EFCAB11: variants seen among roughly 807,000 people sequenced by gnomAD.
The protein encoded by EFCAB11 is EF-hand calcium-binding domain-containing protein 11.
EFCAB11 carries 14 observed loss-of-function variants against 23.0 expected under a neutral mutation model. The observed-to-expected ratio is 0.61, with a 90% confidence interval of 0.40 to 0.95. The LOEUF (loss-of-function observed/expected upper bound fraction) is 0.95, where lower values mean the gene tolerates loss of function less well. Among genes scored for constraint, EFCAB11 ranks in the 40% least tolerant of loss-of-function variants. EFCAB11 has a pLI of 0.00. For synonymous variants in EFCAB11, 65 were observed against 66.6 expected (o/e 0.98, Z 0.11); for missense variants, 198 against 195.8 (o/e 1.01, Z -0.07).
At chr14:89,837,847 G>A (rs906633243) in intron 5 of EFCAB11, among the ~76,000 whole-genome samples, 22 of 152,076 alleles carry the variant, frequency 1.4e-4, no homozygotes, top group African/African-American at 3.9e-4. Flanking sequence ...GGGGTGGGGC[G>A]GGGAGCTGTG....
chr14:89,804,212 T>C (rs1885888910), intron 5 of EFCAB11, among the ~76,000 whole-genome samples: 1 of 152,208 alleles, frequency 6.6e-6, no homozygotes, highest in South Asian at 2.1e-4. Flanking sequence ...GTTAAGGCCT[T>C]CTTCATGCAC....
At chr14:89,889,964 G>C (rs1234428258) in intron 5 of EFCAB11, among the ~76,000 whole-genome samples, 1 of 152,196 alleles carries the variant, frequency 6.6e-6, no homozygotes, top group African/African-American at 2.4e-5. Context: ...CCATGAATAC[G>C]ACTGTAGGCT....
At position 89,815,573 on chromosome 14, in the gene EFCAB11, C is replaced by T. The variant is rs1426034864; in HGVS notation, c.411-18249G>A. ...TCTTGAGTAGCTGGGATTACAGGCG[C>T]GCGCCACCACGCTGGCTAATTTTTG... On this transcript the variant is annotated intron_variant, in intron 5 of 5. Coordinates refer to ENST00000316738, the MANE Select transcript of EFCAB11 (RefSeq NM_145231.4). 2.6e-5 allele frequency among the ~76,000 whole-genome samples: 4 copies of T among 151,894 alleles called. No individual in the cohort carries two copies. The South Asian group carries it at 6.2e-4, about 24-fold the overall frequency.
chr14:89,805,863 C>G (rs1293200357), intron 5 of EFCAB11, among the ~76,000 whole-genome samples: 2 of 152,196 alleles, frequency 1.3e-5, no homozygotes, highest in Non-Finnish European at 2.9e-5. Flanking sequence ...GATGGACAGA[C>G]AGCAGATACT....
chr14:89,937,914 G>A (rs779112089), intron 3 of EFCAB11: 3 of 151,888 alleles, frequency 2.0e-5, no homozygotes, highest in African/African-American at 7.2e-5. Flanking sequence ...AGACTAGAAA[G>A]ATTATTTTTT....
chr14:89,954,338 T>G (rs35511529), intron 1 of EFCAB11: 10 of 1,535,534 alleles, frequency 6.5e-6, no homozygotes, highest in African/African-American at 1.4e-5. Context: ...GCGGGAGAGA[T>G]GCAGACTCAA....
chr14:89,873,682 C>T (rs1170216126), intron 5 of EFCAB11, among the ~76,000 whole-genome samples: 2 of 152,196 alleles, frequency 1.3e-5, no homozygotes, highest in Non-Finnish European at 2.9e-5. Flanking sequence ...CTACAGGCCC[C>T]ATGCAACTCC....
chr14:89,894,893 A>C (rs1449846421), intron 5 of EFCAB11, among the ~76,000 whole-genome samples: 1 of 152,218 alleles, frequency 6.6e-6, no homozygotes, highest in African/African-American at 2.4e-5. Context: ...AAACGATAAA[A>C]TATGTAGGAA....
chr14:89,842,463 T>C (rs1887297174), intron 5 of EFCAB11, among the ~76,000 whole-genome samples: 1 of 152,122 alleles, frequency 6.6e-6, no homozygotes, highest in African/African-American at 2.4e-5. Context: ...GAATCCCAGC[T>C]ACTCAGGAGG....
intron 5 of EFCAB11, among the ~76,000 whole-genome samples, chr14:89,890,705 G>C (rs1339903725): frequency 6.6e-6 from 1 of 152,204 alleles, no homozygotes; most frequent in South Asian, 2.1e-4. Context: ...AATTCTTGAG[G>C]CTAGCTTGAA....
At chr14:89,895,174 A>T (rs1286739759) in intron 5 of EFCAB11, among the ~76,000 whole-genome samples, 1 of 152,208 alleles carries the variant, frequency 6.6e-6, no homozygotes, top group South Asian at 2.1e-4. Flanking sequence ...GTGAAAACCA[A>T]TGTGATTATG....
chr14:89,870,402 CG>C (rs1462449614), intron 5 of EFCAB11, among the ~76,000 whole-genome samples: 1 of 152,080 alleles, frequency 6.6e-6, no homozygotes, highest in African/African-American at 2.4e-5. Context: ...AGGGCTTTTA[CG>C]GGAAGACACT....
intron 5 of EFCAB11, among the ~76,000 whole-genome samples, chr14:89,843,646 T>C (rs1278333713): frequency 6.6e-6 from 1 of 152,220 alleles, no homozygotes; most frequent in Admixed American, 6.5e-5. Flanking sequence ...AACATATCAA[T>C]TAACTTTTCA....
rs775785400 is a variant in EFCAB11 at position 89,954,370 on chromosome 14, T to C, written c.75+216A>G. 11 of 1,535,846 alleles carry C rather than the reference T, an allele frequency of 7.2e-6. No homozygotes were observed. The East Asian group carries it at 1.5e-4, about 20-fold the overall frequency. Reference sequence around the variant, plus strand: ...TCAAGGTTACCATTAATAGACTATATAGAGAGAAAGGAGATGGAACTTGGA... The same window carrying C: ...TCAAGGTTACCATTAATAGACTATACAGAGAGAAAGGAGATGGAACTTGGA... On this transcript the variant is annotated intron_variant, in intron 1 of 5. Transcript: ENST00000316738.
chr14:89,954,033 G>A, intron 1 of EFCAB11, 32 bp from the exon 2 acceptor site: 1 of 1,556,528 alleles, frequency 6.4e-7, no homozygotes, highest in Non-Finnish European at 8.8e-7. Flanking sequence ...TAGTTAATGA[G>A]ACAGAAATGG....
chr14:89,832,433 A>T (rs1258438977), intron 5 of EFCAB11, among the ~76,000 whole-genome samples: 4 of 152,032 alleles, frequency 2.6e-5, no homozygotes, highest in Non-Finnish European at 5.9e-5. Context: ...GCAACTTGGG[A>T]GCTCTCCAGT....
intron 5 of EFCAB11, among the ~76,000 whole-genome samples, chr14:89,905,075 T>C (rs1359072595): frequency 6.6e-6 from 1 of 152,186 alleles, no homozygotes; most frequent in Non-Finnish European, 1.5e-5. Context: ...CAAGTCACTT[T>C]ACACAGGTGC....
intron 5 of EFCAB11, among the ~76,000 whole-genome samples, chr14:89,813,120 A>G (rs1479352478): frequency 6.6e-6 from 1 of 152,354 alleles, no homozygotes; most frequent in Non-Finnish European, 1.5e-5. Flanking sequence ...AAATAAAAAA[A>G]TAAGATACTC....
At chr14:89,822,052 C>T (rs1317434017) in intron 5 of EFCAB11, among the ~76,000 whole-genome samples, 1 of 152,150 alleles carries the variant, frequency 6.6e-6, no homozygotes, top group African/African-American at 2.4e-5. Flanking sequence ...CTGAAGTAGT[C>T]ATATAGATAA....
Sources: allele counts gnomAD v4.1 joint callset (sites outside exome capture counted in the v4.1 genomes callset), GRCh38; gene constraint gnomAD v4.1.1; transcripts MANE v1.5; gene names NCBI Gene and HGNC (gene_info 2026-07-23, HGNC 2026-07-21).